JAKMIP1: variants seen among roughly 807,000 people sequenced by gnomAD.
The protein encoded by JAKMIP1 is janus kinase and microtubule interacting protein 1.
Under a neutral mutation model 113.0 loss-of-function variants are expected in JAKMIP1, and 33 were observed. The ratio of observed to expected loss-of-function variants is 0.29; its 90% CI spans 0.22 to 0.39. The LOEUF is 0.39. Ranked by LOEUF, JAKMIP1 falls within the 10% of genes least tolerant of loss-of-function variation. JAKMIP1 has a pLI of 1.00. For missense variants in JAKMIP1, 813 were observed against 1,080.5 expected, an observed-to-expected ratio of 0.75 and a Z score of 3.47; for synonymous variants, 480 against 459.9, an observed-to-expected ratio of 1.04 and a Z score of -0.56.
chr4:6,196,440 G>T (rs1727855323), intron 1 of JAKMIP1, among the ~76,000 whole-genome samples: 1 of 152,178 alleles, frequency 6.6e-6, no homozygotes, highest in South Asian at 2.1e-4. Flanking sequence ...AGGCATCCAG[G>T]GCTAGAGTCA....
Position 6,116,324 on chromosome 4 carries a change from T to A in JAKMIP1, c.-147-3327A>T, listed in dbSNP as rs1263137512. Among the ~76,000 whole-genome samples, 1 of 152,040 alleles carries A rather than the reference T, an allele frequency of 6.6e-6. No individual in the cohort carries two copies. Among genetic ancestry groups the A allele is most frequent in the African/African-American group, 2.4e-5 (1 of 41,394 alleles). ...TCTCCTGCCTGAGCTTAGCTTGGTG[T>A]CTGCTGCGCCCGGGGATTTTCGTTC... On this transcript the variant is annotated intron_variant, in intron 1 of 20. Coordinates refer to ENST00000409021, the MANE Select transcript of JAKMIP1 (RefSeq NM_001099433.2). The surrounding 1 kb of genome is among the most constrained non-coding windows in gnomAD (Gnocchi z 5.1).
At chr4:6,132,281 T>A (rs1718610652) in intron 1 of JAKMIP1, among the ~76,000 whole-genome samples, 1 of 152,130 alleles carries the variant, frequency 6.6e-6, no homozygotes, top group African/African-American at 2.4e-5. Flanking sequence ...GGGTGACTAC[T>A]AAAAAAAGTT....
Position 6,188,681 on chromosome 4 carries a change from C to T in JAKMIP1, c.-148+11572G>A, listed in dbSNP as rs542099579. Reference sequence around the variant, plus strand: ...GGCACCTGCATCCCTCCCCCATCTTCTGGCTAGAGCACCCCAATTTTTAAT... The same window carrying T: ...GGCACCTGCATCCCTCCCCCATCTTTTGGCTAGAGCACCCCAATTTTTAAT... On this transcript the variant is annotated intron_variant, in intron 1 of 20. Coordinates refer to ENST00000409021, the MANE Select transcript of JAKMIP1 (RefSeq NM_001099433.2). The surrounding 1 kb of genome is among the most constrained non-coding windows in gnomAD (Gnocchi z 5.8). Among the ~76,000 whole-genome samples, 3 of 152,210 alleles carry T rather than the reference C, an allele frequency of 2.0e-5. No individual in the cohort carries two copies. The highest frequency in any genetic ancestry group is 7.2e-5 in the African/African-American group (3 of 41,456).
rs1482786386 is a variant in JAKMIP1 at position 6,065,623 on chromosome 4, T to C, written c.1303-615A>G. ...TAGAGGCAATCTCTGCTTAACTTTT[T>C]ATTATAGAAAACTGGGAAGATTCAC... On this transcript the variant is annotated intron_variant, in intron 8 of 20. Transcript: ENST00000409021. The surrounding 1 kb of genome is among the most constrained non-coding windows in gnomAD (Gnocchi z 5.1). Among the ~76,000 whole-genome samples the C allele has an allele frequency of 1.3e-5, 2 of 152,210 alleles. No homozygotes were observed. Among genetic ancestry groups the C allele is most frequent in the African/African-American group, 4.8e-5 (2 of 41,454 alleles).
In JAKMIP1 at chr4:6,067,018, A is replaced by G. The variant is rs1045480366; in HGVS notation, c.1303-2010T>C. ...GTCTCTGCACAAATGCAACCATATG[A>G]GAAAAGGCTTCCTGGCCACCATGCC... On this transcript the variant is annotated intron_variant, in intron 8 of 20. Coordinates refer to ENST00000409021, the MANE Select transcript of JAKMIP1 (RefSeq NM_001099433.2). This position sits in a 1 kb window ranked among gnomAD's most constrained non-coding sequence, Gnocchi z 4.6. Among the ~76,000 whole-genome samples, 1 of 152,044 alleles carries G rather than the reference A, an allele frequency of 6.6e-6. No individual in the cohort carries two copies. Among genetic ancestry groups the G allele is most frequent in the Non-Finnish European group, 1.5e-5 (1 of 68,004 alleles).
chr4:6,138,440 T>C lies in JAKMIP1; in HGVS notation c.-147-25443A>G, dbSNP rs1266966443. Among the ~76,000 whole-genome samples the C allele has an allele frequency of 6.6e-6, 1 of 151,640 alleles. No homozygotes were observed. The highest frequency in any genetic ancestry group is 1.5e-5 in the Non-Finnish European group (1 of 68,028). On this transcript the variant is annotated intron_variant, in intron 1 of 20. Coordinates refer to ENST00000409021, the MANE Select transcript of JAKMIP1 (RefSeq NM_001099433.2). This position sits in a 1 kb window ranked among gnomAD's most constrained non-coding sequence, Gnocchi z 6.0. ...TTAGTAGAGATGGGGTTTCGCCATG[T>C]TGACCAGGCTGGTCTCAAACTCCTG...
chr4:6,034,420 T>C (rs1457727802), intron 19 of JAKMIP1, among the ~76,000 whole-genome samples: 4 of 152,204 alleles, frequency 2.6e-5, no homozygotes, highest in African/African-American at 2.4e-5. Flanking sequence ...GCTGCTCTGC[T>C]GCCCAGAATG....
intron 3 of JAKMIP1, among the ~76,000 whole-genome samples, chr4:6,091,730 G>C (rs1018185313): frequency 6.6e-6 from 1 of 152,214 alleles, no homozygotes; most frequent in Admixed American, 6.5e-5. Context: ...GTATTGGTGT[G>C]CTTGCACTGT....
chr4:6,078,871 C>T (rs1720070521), intron 8 of JAKMIP1, 68 bp downstream of exon 8: 5 of 1,521,544 alleles, frequency 3.3e-6, no homozygotes, highest in East Asian at 4.5e-5. Context: ...CCCCACTCCA[C>T]GACCCATCTG....
Position 6,056,678 on chromosome 4 carries a change from C to T in JAKMIP1, c.1707+19G>A. On this transcript the variant is annotated intron_variant, in intron 12 of 20. Transcript: ENST00000409021. ...AACTGCCCTGCGGCTGTGTGCTTCC[C>T]TGAGGTGGGGTCACGCACCTTTTCC... is the stretch of plus-strand genomic sequence containing the variant. The T allele has an allele frequency of 6.2e-7, 1 of 1,606,820 alleles. No homozygotes were observed. Among genetic ancestry groups the T allele is most frequent in the Non-Finnish European group, 8.5e-7 (1 of 1,173,798 alleles).
chr4:6,159,450 A>T (rs957436173), intron 1 of JAKMIP1, among the ~76,000 whole-genome samples: 1 of 152,230 alleles, frequency 6.6e-6, no homozygotes, highest in African/African-American at 2.4e-5. Flanking sequence ...AACAAATCCC[A>T]GGTTAATATT....
At position 6,178,322 on chromosome 4, in the gene JAKMIP1, G is replaced by A. The variant is rs186334604; in HGVS notation, c.-148+21931C>T. On this transcript the variant is annotated intron_variant, in intron 1 of 20. Transcript: ENST00000409021. This position sits in a 1 kb window ranked among gnomAD's most constrained non-coding sequence, Gnocchi z 5.5. ...CCCCACCCAAATCTCCTCTTGAATT[G>A]TAGTTCCCATAATCCCCATGTGTGG... is the stretch of plus-strand genomic sequence containing the variant. Among the ~76,000 whole-genome samples the A allele has an allele frequency of 3.3e-5, 5 of 152,274 alleles. 1 individual carries two copies. Among genetic ancestry groups the A allele is most frequent in the African/African-American group, 1.2e-4 (5 of 41,550 alleles).
intron 16 of JAKMIP1, among the ~76,000 whole-genome samples, chr4:6,043,176 C>G (rs1239408666): frequency 6.6e-6 from 1 of 151,958 alleles, no homozygotes; most frequent in Non-Finnish European, 1.5e-5. Context: ...ACTGCCAGGC[C>G]CCAGCTGCGG....
At chr4:6,151,777 G>C (rs1485528812) in intron 1 of JAKMIP1, among the ~76,000 whole-genome samples, 1 of 152,200 alleles carries the variant, frequency 6.6e-6, no homozygotes. Context: ...CCTTAGGCCA[G>C]TGAGTCCTTC....
intron 18 of JAKMIP1, among the ~76,000 whole-genome samples, chr4:6,036,913 C>T (rs953234287): frequency 2.6e-5 from 4 of 152,264 alleles, no homozygotes; most frequent in Admixed American, 6.5e-5. Context: ...AGAGGTTAAC[C>T]ATTAGCCCTC....
intron 16 of JAKMIP1, among the ~76,000 whole-genome samples, chr4:6,045,015 G>A (rs1714804246): frequency 6.6e-6 from 1 of 152,240 alleles, no homozygotes; most frequent in African/African-American, 2.4e-5. Flanking sequence ...CATGCTGCAG[G>A]GTGGGGGCTG....
rs1460049941 is a variant in JAKMIP1 at position 6,135,494 on chromosome 4, C to T, written c.-147-22497G>A. ...CAGTCTGTGGAGTCCATCATGGCAG[C>T]CCCTGAAGACTGATACAGAGATGCT... On this transcript the variant is annotated intron_variant, in intron 1 of 20. Coordinates refer to ENST00000409021, the MANE Select transcript of JAKMIP1 (RefSeq NM_001099433.2). The surrounding 1 kb of genome is among the most constrained non-coding windows in gnomAD (Gnocchi z 4.9). Among the ~76,000 whole-genome samples the T allele has an allele frequency of 6.6e-6, 1 of 152,102 alleles. No individual in the cohort carries two copies. Among genetic ancestry groups the T allele is most frequent in the Non-Finnish European group, 1.5e-5 (1 of 68,018 alleles).
rs1348978947 is a variant in JAKMIP1 at position 6,051,706 on chromosome 4, G to T, written c.1807-1027C>A. Among the ~76,000 whole-genome samples the T allele has an allele frequency of 6.6e-6, 1 of 152,230 alleles. No individual in the cohort carries two copies. Among genetic ancestry groups the T allele is most frequent in the African/African-American group, 2.4e-5 (1 of 41,452 alleles). On this transcript the variant is annotated intron_variant, in intron 13 of 20. Transcript: ENST00000409021. The surrounding 1 kb of genome is among the most constrained non-coding windows in gnomAD (Gnocchi z 5.0). Reference sequence around the variant, plus strand: ...AAGAAGAGCAAGCCTTTTCCCAGAAGAGGTATTTATTAATCATACATAAAT... The same window carrying T: ...AAGAAGAGCAAGCCTTTTCCCAGAATAGGTATTTATTAATCATACATAAAT...
chr4:6,039,710 G>A (rs1274288604), intron 18 of JAKMIP1, among the ~76,000 whole-genome samples: 2 of 152,134 alleles, frequency 1.3e-5, no homozygotes, highest in Non-Finnish European at 2.9e-5. Flanking sequence ...TAGTCTCAAG[G>A]GATTCAAGCC....
Sources: gnomAD v4.1 joint callset for allele counts (sites outside exome capture counted in the v4.1 genomes callset) on GRCh38, gnomAD v4.1.1 for gene constraint, Gnocchi (gnomAD v3.1) non-coding constraint, MANE v1.5 for transcripts, NCBI Gene and HGNC (gene_info 2026-07-23, HGNC 2026-07-21) for gene names.